SLC20A2: variants seen among roughly 807,000 people sequenced by gnomAD.
SLC20A2 encodes the protein solute carrier family 20 member 2.
In SLC20A2, 30 loss-of-function variants were observed where a neutral mutation model predicts 61.0. That is an observed-to-expected ratio of 0.49 (90% CI 0.37 to 0.67). SLC20A2 has a LOEUF of 0.67. Among genes scored for constraint, SLC20A2 ranks in the 30% least tolerant of loss-of-function variants. The probability of loss-of-function intolerance (pLI) is 0.00; values close to 1 mark genes in which losing one functional copy is unlikely to be tolerated. For synonymous variants in SLC20A2, 351 were observed against 353.3 expected (o/e 0.99, Z 0.07); for missense variants, 626 against 866.4 (o/e 0.72, Z 3.48).
intron 1 of SLC20A2, among the ~76,000 whole-genome samples, chr8:42,488,180 CTTTTTTTTTT>C (rs35200743): frequency 1.1e-5 from 1 of 87,030 alleles, no homozygotes; most frequent in Non-Finnish European, 2.1e-5. Context: ...AATAATACTG[CTTTTTTTTTT>C]TTTTTTTTTT....
chr8:42,513,044 T>G (rs549460907), intron 1 of SLC20A2, among the ~76,000 whole-genome samples: 8 of 152,314 alleles, frequency 5.3e-5, no homozygotes, highest in South Asian at 4.1e-4. Flanking sequence ...AAAACCACTT[T>G]TATGCTTAAA....
chr8:42,492,577 G>C (rs974819509), intron 1 of SLC20A2, among the ~76,000 whole-genome samples: 2 of 152,176 alleles, frequency 1.3e-5, no homozygotes, highest in Non-Finnish European at 2.9e-5. Flanking sequence ...TCTCAGTTCC[G>C]AGCATTCCAG....
At chr8:42,436,124 A>C (rs1563451303) in intron 8 of SLC20A2, among the ~76,000 whole-genome samples, 6 of 151,870 alleles carry the variant, frequency 4.0e-5, no homozygotes, top group Admixed American at 3.9e-4. Flanking sequence ...TTAAAAAAAA[A>C]AATTAAATCA....
At chr8:42,521,923 G>C (rs887809335) in intron 1 of SLC20A2, among the ~76,000 whole-genome samples, 2 of 121,464 alleles carry the variant, frequency 1.6e-5, no homozygotes, top group African/African-American at 5.1e-5. Flanking sequence ...GGGTGACTCA[G>C]ATTTATGGCA....
intron 1 of SLC20A2, among the ~76,000 whole-genome samples, chr8:42,506,305 C>T (rs780122867): frequency 1.3e-5 from 2 of 152,212 alleles, no homozygotes; most frequent in East Asian, 1.9e-4. Context: ...GTGTACCCCA[C>T]GACCTACTAG....
chr8:42,538,113 T>A (rs993077206), intron 1 of SLC20A2: 2 of 152,100 alleles, frequency 1.3e-5, no homozygotes, highest in African/African-American at 2.4e-5. Context: ...ATGTGTACAC[T>A]AGGTTTGCCT....
chr8:42,528,498 T>C (rs892687632), intron 1 of SLC20A2, among the ~76,000 whole-genome samples: 16 of 151,966 alleles, frequency 1.1e-4, no homozygotes, highest in Admixed American at 3.3e-4. Flanking sequence ...TATGCATTTA[T>C]AAAACAGCCA....
At chr8:42,493,154 C>T (rs777515936) in intron 1 of SLC20A2, among the ~76,000 whole-genome samples, 1 of 152,182 alleles carries the variant, frequency 6.6e-6, no homozygotes, top group Non-Finnish European at 1.5e-5. Context: ...TCATGTGGCA[C>T]TGTATAAAGC....
intron 1 of SLC20A2, among the ~76,000 whole-genome samples, chr8:42,478,988 G>A (rs1808366990): frequency 6.6e-6 from 1 of 152,162 alleles, no homozygotes; most frequent in African/African-American, 2.4e-5. Context: ...AGGGACGGGT[G>A]ATGTCACAGC....
In SLC20A2 at chr8:42,540,896, AT is replaced by A. The variant is rs548839873; in HGVS notation, c.-265+924del. On this transcript the variant is annotated intron_variant, in intron 1 of 10. Transcript: ENST00000342228. ...CAAGTCACTACACAATTAAATAAAA[AT>A]ACCCAAAAGGGACTTACACTGACAA... The A allele has an allele frequency of 8.6e-4, 131 of 152,362 alleles. 1 individual carries two copies. Among genetic ancestry groups the A allele is most frequent in the African/African-American group, 3.0e-3 (125 of 41,578 alleles). The allele number at this position is 152,362 out of a possible 1,614,324, so 9.4% of individuals were successfully genotyped here. A position where few individuals can be genotyped will look rare whatever the true frequency, so the allele number is the denominator to read the frequency against.
intron 1 of SLC20A2, among the ~76,000 whole-genome samples, chr8:42,496,171 T>G (rs1809914687): frequency 6.6e-6 from 1 of 152,216 alleles, no homozygotes; most frequent in Non-Finnish European, 1.5e-5. Flanking sequence ...TCTTTATTAT[T>G]ATTTTTAAAA....
intron 1 of SLC20A2, among the ~76,000 whole-genome samples, chr8:42,500,000 C>T (rs1319433212): frequency 7.9e-5 from 12 of 152,156 alleles, no homozygotes; most frequent in African/African-American, 2.9e-4. Context: ...TAAAATCAGA[C>T]AATACATAAT....
intron 10 of SLC20A2, among the ~76,000 whole-genome samples, chr8:42,422,658 G>A (rs1460880234): frequency 1.3e-5 from 2 of 152,008 alleles, no homozygotes; most frequent in Non-Finnish European, 2.9e-5. Context: ...TTTTAGGTGG[G>A]AACAATTATT....
At chr8:42,482,019 G>A (rs1024661698) in intron 1 of SLC20A2, among the ~76,000 whole-genome samples, 7 of 152,214 alleles carry the variant, frequency 4.6e-5, no homozygotes, top group Non-Finnish European at 8.8e-5. Flanking sequence ...ATAAATCTAA[G>A]TGCATATATT....
intron 8 of SLC20A2, among the ~76,000 whole-genome samples, chr8:42,431,057 A>G (rs1803838521): frequency 6.6e-6 from 1 of 152,204 alleles, no homozygotes; most frequent in African/African-American, 2.4e-5. Flanking sequence ...TAAGTGTTCA[A>G]CTGAAAGGAA....
chr8:42,533,962 C>T (rs112818647), intron 1 of SLC20A2, among the ~76,000 whole-genome samples: 15 of 150,858 alleles, frequency 9.9e-5, no homozygotes, highest in Non-Finnish European at 1.5e-5. Flanking sequence ...AAAACTTCTC[C>T]CTCTCTTTGT....
In SLC20A2 at chr8:42,428,843, C is replaced by CT; in HGVS notation, c.1710-2dup. 3 of 1,591,572 alleles carry CT rather than the reference C, an allele frequency of 1.9e-6. No homozygotes were observed. The African/African-American group carries it at 4.1e-5, about 22-fold the overall frequency. ...TGAGGCCAGCTCGATCGTGAAGCCGCTGTGGGGGGAGCATGAGACACGTCA... is the reference window on the plus strand; with the variant it reads ...TGAGGCCAGCTCGATCGTGAAGCCGCTTGTGGGGGGAGCATGAGACACGTCA... On this transcript the variant is annotated splice_acceptor_variant, in intron 9 of 10. Coordinates refer to ENST00000520262, the MANE Select transcript of SLC20A2 (RefSeq NM_001257180.2). LOFTEE classifies it high-confidence loss of function.
chr8:42,537,753 A>G (rs773851619), intron 1 of SLC20A2: 4 of 152,220 alleles, frequency 2.6e-5, no homozygotes, highest in Non-Finnish European at 5.9e-5. Flanking sequence ...CTCTATATAG[A>G]AAATCCAGCA....
intron 1 of SLC20A2, among the ~76,000 whole-genome samples, chr8:42,483,688 T>G (rs943888721): frequency 5.3e-5 from 8 of 152,246 alleles, no homozygotes; most frequent in African/African-American, 1.9e-4. Context: ...GGTATTTTCT[T>G]CACTCATAAC....
Sources: allele counts gnomAD v4.1 joint callset (sites outside exome capture counted in the v4.1 genomes callset), GRCh38; gene constraint gnomAD v4.1.1; transcripts MANE v1.5; gene names NCBI Gene and HGNC (gene_info 2026-07-23, HGNC 2026-07-21).